The following SLC44A1 variants were observed in gnomAD, a reference collection of about 807,000 sequenced individuals.
SLC44A1 encodes solute carrier family 44 member 1, also known as choline transporter-like protein 1.
SLC44A1 carries 26 observed loss-of-function variants against 79.3 expected under a neutral mutation model. That is an observed-to-expected ratio of 0.33 (90% confidence interval 0.24 to 0.46). SLC44A1 has a LOEUF of 0.46. Ranked by LOEUF, SLC44A1 falls within the 20% of genes least tolerant of loss-of-function variation. The pLI, the probability that SLC44A1 is intolerant of heterozygous loss-of-function variation, is 1.00. For missense variants in SLC44A1, 688 were observed against 798.1 expected (o/e 0.86, Z 1.66); for synonymous variants, 263 against 286.2 (o/e 0.92, Z 0.82).
chr9:105,425,443 T>A (rs980713377), intron 15 of SLC44A1, among the ~76,000 whole-genome samples: 1 of 152,168 alleles, frequency 6.6e-6, no homozygotes, highest in Non-Finnish European at 1.5e-5. Flanking sequence ...TGCGGAAAGA[T>A]CTGTTTGAGG....
intron 1 of SLC44A1, among the ~76,000 whole-genome samples, chr9:105,263,891 G>A (rs1829899810): frequency 6.6e-6 from 1 of 151,932 alleles, no homozygotes; most frequent in Non-Finnish European, 1.5e-5. Flanking sequence ...ATTTTAAAAA[G>A]CTCCCCACCC....
intron 13 of SLC44A1, among the ~76,000 whole-genome samples, chr9:105,375,759 A>T (rs933844560): frequency 5.3e-5 from 8 of 152,372 alleles, no homozygotes; most frequent in Admixed American, 3.9e-4. Flanking sequence ...ATACTGCAAA[A>T]TATTCAATAA....
chr9:105,312,376 T>C (rs2131314326), intron 3 of SLC44A1, among the ~76,000 whole-genome samples: 1 of 152,346 alleles, frequency 6.6e-6, no homozygotes, highest in South Asian at 2.1e-4. Flanking sequence ...TATATACTTA[T>C]TTTTTGATTA....
At chr9:105,429,739 T>G (rs1254339835) in intron 15 of SLC44A1, among the ~76,000 whole-genome samples, 1 of 152,124 alleles carries the variant, frequency 6.6e-6, no homozygotes, top group African/African-American at 2.4e-5. Context: ...TTATTGCAAA[T>G]AGTAAAAACA....
intron 1 of SLC44A1, among the ~76,000 whole-genome samples, chr9:105,297,981 A>C (rs1194717878): frequency 1.3e-5 from 2 of 152,040 alleles, no homozygotes; most frequent in Non-Finnish European, 2.9e-5. Flanking sequence ...TTCACTGCTT[A>C]CTGTTTCCAG....
chr9:105,431,073 T>C (rs1330187813), intron 15 of SLC44A1, among the ~76,000 whole-genome samples: 1 of 152,226 alleles, frequency 6.6e-6, no homozygotes, highest in East Asian at 1.9e-4. Context: ...TTATCTGTCT[T>C]TTCCTTGGTT....
At chr9:105,346,067 A>G (rs1158043493) in intron 4 of SLC44A1, among the ~76,000 whole-genome samples, 1 of 152,088 alleles carries the variant, frequency 6.6e-6, no homozygotes, top group Non-Finnish European at 1.5e-5. Flanking sequence ...ATGAAAAGAA[A>G]AACAGTTGTA....
chr9:105,316,468 T>G (rs996207991), intron 3 of SLC44A1, among the ~76,000 whole-genome samples: 12 of 152,196 alleles, frequency 7.9e-5, no homozygotes, highest in African/African-American at 2.9e-4. Context: ...AAGTATAGAA[T>G]GACATGAAAA....
At chr9:105,421,594 T>G (rs1829249881) in intron 15 of SLC44A1, among the ~76,000 whole-genome samples, 1 of 151,112 alleles carries the variant, frequency 6.6e-6, no homozygotes, top group African/African-American at 2.4e-5. Flanking sequence ...TTTTTTTTTT[T>G]TTTTTTTTGA....
intron 13 of SLC44A1, among the ~76,000 whole-genome samples, chr9:105,379,010 C>T (rs1404931508): frequency 1.3e-5 from 2 of 152,224 alleles, no homozygotes; most frequent in African/African-American, 4.8e-5. Context: ...CTCTGTGGCT[C>T]ACGCCTGTAA....
chr9:105,327,003 A>G (rs1445263310), intron 3 of SLC44A1, among the ~76,000 whole-genome samples: 1 of 152,206 alleles, frequency 6.6e-6, no homozygotes, highest in Admixed American at 6.5e-5. Flanking sequence ...CCAAACCAGA[A>G]TGTCCTAACC....
chr9:105,264,854 A>C (rs1361720175), intron 1 of SLC44A1, among the ~76,000 whole-genome samples: 1 of 151,414 alleles, frequency 6.6e-6, no homozygotes, highest in African/African-American at 2.4e-5. Context: ...TAGAGTGCAA[A>C]GGTGCGATCT....
At chr9:105,267,371 C>T (rs941294942) in intron 1 of SLC44A1, among the ~76,000 whole-genome samples, 4 of 152,138 alleles carry the variant, frequency 2.6e-5, no homozygotes, top group African/African-American at 9.7e-5. Flanking sequence ...ACAGTATGGG[C>T]TCTTTCAATC....
intron 1 of SLC44A1, among the ~76,000 whole-genome samples, chr9:105,253,146 T>TA (rs1173707227): frequency 6.6e-6 from 1 of 152,228 alleles, no homozygotes; most frequent in East Asian, 1.9e-4. Context: ...TATTTAGACT[T>TA]ATTTAGTAGG....
intron 1 of SLC44A1, among the ~76,000 whole-genome samples, chr9:105,252,807 C>T (rs1483850327): frequency 1.3e-5 from 2 of 152,202 alleles, no homozygotes; most frequent in African/African-American, 4.8e-5. Flanking sequence ...AGTAATATTT[C>T]CTCCTTTTTG....
Position 105,397,142 on chromosome 9 carries a change from C to A in SLC44A1, c.*8086C>A. ...CTGAATTGGATGGAATTCCATCTGG[C>A]TTCAGAGAACAATCAGCCTATATGA... On this transcript the variant is annotated 3_prime_UTR_variant, in exon 16 of 16. Coordinates refer to ENST00000374720, the MANE Select transcript of SLC44A1 (RefSeq NM_080546.5). 5 of 985,372 alleles carry A rather than the reference C, an allele frequency of 5.1e-6. No individual in the cohort carries two copies. Among genetic ancestry groups the A allele is most frequent in the Non-Finnish European group, 6.0e-6 (5 of 829,910 alleles). The allele number at this position is 985,372 out of a possible 1,614,324, so 61.0% of individuals were successfully genotyped here. A position where few individuals can be genotyped will look rare whatever the true frequency, so the allele number is the denominator to read the frequency against.
intron 4 of SLC44A1, among the ~76,000 whole-genome samples, chr9:105,341,221 G>A (rs1450761388): frequency 6.6e-6 from 1 of 151,866 alleles, no homozygotes; most frequent in Non-Finnish European, 1.5e-5. Flanking sequence ...TGTAGTCCCA[G>A]CTACTTGGGA....
exon 16 of SLC44A1, chr9:105,438,328 A>C (rs1239990681): frequency 1.9e-6 from 3 of 1,545,538 alleles, no homozygotes; most frequent in Non-Finnish European, 2.6e-6. Flanking sequence ...ATGAACTCAG[A>C]GGAGGTTGTT....
intron 1 of SLC44A1, among the ~76,000 whole-genome samples, chr9:105,277,299 C>T (rs1830229112): frequency 6.6e-6 from 1 of 152,184 alleles, no homozygotes; most frequent in South Asian, 2.1e-4. Context: ...GTGTGGTCAG[C>T]CTCATCTCTT....
Sources: allele counts gnomAD v4.1 joint callset (sites outside exome capture counted in the v4.1 genomes callset), GRCh38; gene constraint gnomAD v4.1.1; transcripts MANE v1.5; gene names NCBI Gene and HGNC (gene_info 2026-07-23, HGNC 2026-07-21).